The following C8orf34 variants were observed in gnomAD, a reference collection of about 807,000 sequenced individuals.
The protein encoded by C8orf34 is uncharacterized protein C8orf34.
C8orf34 carries 65 observed loss-of-function variants against 68.3 expected under a neutral mutation model. The observed-to-expected ratio is 0.95, with a 90% CI of 0.78 to 1.17. The LOEUF (loss-of-function observed/expected upper bound fraction) is 1.17. Among genes scored for constraint, C8orf34 ranks in the 50% most tolerant of loss-of-function variants. C8orf34 has a pLI of 0.00. For synonymous variants in C8orf34, 244 were observed against 241.2 expected, an observed-to-expected ratio of 1.01 and a Z score of -0.11; for missense variants, 664 against 655.4, an observed-to-expected ratio of 1.01 and a Z score of -0.14.
At chr8:68,591,363 T>C (rs915947189) in intron 7 of C8orf34, among the ~76,000 whole-genome samples, 1 of 152,148 alleles carries the variant, frequency 6.6e-6, no homozygotes, top group African/African-American at 2.4e-5. Flanking sequence ...AACCATTTAA[T>C]AGGAATCTGA....
intron 3 of C8orf34, among the ~76,000 whole-genome samples, chr8:68,450,807 C>T (rs1811309660): frequency 1.3e-5 from 2 of 152,006 alleles, no homozygotes; most frequent in East Asian, 1.9e-4. Context: ...CTTAAGGTCC[C>T]CAGGATTTTT....
chr8:68,387,177 A>G (rs1808297000), intron 1 of C8orf34, among the ~76,000 whole-genome samples: 1 of 151,968 alleles, frequency 6.6e-6, no homozygotes, highest in Non-Finnish European at 1.5e-5. Flanking sequence ...CTGCACATGG[A>G]CCGACTTCAG....
intron 1 of C8orf34, among the ~76,000 whole-genome samples, chr8:68,395,357 TCTCTCACACACACACACACA>T (rs755793625): frequency 3.6e-5 from 5 of 137,820 alleles, no homozygotes; most frequent in South Asian, 2.3e-4. Flanking sequence ...TCTCTGTGTG[TCTCTCACACACACACACACA>T]CACACACACA....
intron 3 of C8orf34, among the ~76,000 whole-genome samples, chr8:68,456,542 G>A (rs1401163999): frequency 6.6e-6 from 1 of 152,180 alleles, no homozygotes; most frequent in African/African-American, 2.4e-5. Flanking sequence ...ATGTATTCTA[G>A]CCCTTATGTA....
chr8:68,791,070 A>T (rs530410915), intron 12 of C8orf34: 1 of 587,822 alleles, frequency 1.7e-6, no homozygotes, highest in Non-Finnish European at 3.0e-6. Context: ...TTGAAGAAAT[A>T]TACATGGAGA....
At chr8:68,464,651 C>T (rs1812023030) in intron 3 of C8orf34, among the ~76,000 whole-genome samples, 1 of 151,980 alleles carries the variant, frequency 6.6e-6, no homozygotes, top group Admixed American at 6.6e-5. Flanking sequence ...CACTGCATAT[C>T]TACAACTATC....
intron 7 of C8orf34, among the ~76,000 whole-genome samples, chr8:68,587,542 A>C (rs1817244128): frequency 6.6e-6 from 1 of 152,082 alleles, no homozygotes; most frequent in Non-Finnish European, 1.5e-5. Flanking sequence ...TTTGAGTGAC[A>C]CAAAGATAGG....
intron 2 of C8orf34, among the ~76,000 whole-genome samples, chr8:68,439,942 A>G (rs1810831278): frequency 6.6e-6 from 1 of 152,188 alleles, no homozygotes. Flanking sequence ...TCCTAAACTT[A>G]TTTTTTAATG....
chr8:68,583,543 C>T (rs902054150), intron 7 of C8orf34, among the ~76,000 whole-genome samples: 1 of 152,042 alleles, frequency 6.6e-6, no homozygotes, highest in Non-Finnish European at 1.5e-5. Context: ...GACCCAGATA[C>T]CTACTTAAAT....
At chr8:68,661,625 C>T (rs1819682169) in intron 8 of C8orf34, among the ~76,000 whole-genome samples, 1 of 152,192 alleles carries the variant, frequency 6.6e-6, no homozygotes, top group South Asian at 2.1e-4. Flanking sequence ...GCTGATGGGA[C>T]TAGGTTCCCT....
chr8:68,685,485 C>G (rs1820486643), intron 8 of C8orf34, among the ~76,000 whole-genome samples: 1 of 152,048 alleles, frequency 6.6e-6, no homozygotes, highest in Non-Finnish European at 1.5e-5. Flanking sequence ...CCAAATTGAT[C>G]AACCCAACGT....
chr8:68,613,270 C>G (rs914738214), intron 7 of C8orf34, among the ~76,000 whole-genome samples: 1 of 151,908 alleles, frequency 6.6e-6, no homozygotes, highest in Non-Finnish European at 1.5e-5. Flanking sequence ...TTTATAATAT[C>G]TTTTATTTTA....
intron 7 of C8orf34, among the ~76,000 whole-genome samples, chr8:68,586,220 C>A (rs2130389780): frequency 6.6e-6 from 1 of 152,228 alleles, no homozygotes; most frequent in East Asian, 1.9e-4. Flanking sequence ...TATGTATTAA[C>A]AACTTATCTA....
chr8:68,609,501 A>G (rs1433537283), intron 7 of C8orf34, among the ~76,000 whole-genome samples: 1 of 152,324 alleles, frequency 6.6e-6, no homozygotes, highest in South Asian at 2.1e-4. Context: ...TGGTGTGGTC[A>G]CAGAAGCCAA....
chr8:68,806,873 C>T (rs1824503593), intron 12 of C8orf34, among the ~76,000 whole-genome samples: 1 of 152,166 alleles, frequency 6.6e-6, no homozygotes, highest in African/African-American at 2.4e-5. Context: ...GGGCGGGGCT[C>T]AACAAGGAGG....
intron 1 of C8orf34, among the ~76,000 whole-genome samples, chr8:68,354,374 T>C (rs1806655581): frequency 6.6e-6 from 1 of 152,094 alleles, no homozygotes; most frequent in South Asian, 2.1e-4. Flanking sequence ...CAGGATCTTA[T>C]TCTGTTGCCC....
Position 68,788,446 on chromosome 8 carries a change from A to C in C8orf34, c.1549+910A>C, listed in dbSNP as rs185558301. ...AGCACAGGCATGAGAGTGAGTGCTC[A>C]GGTTAGAGGAGGAGGATGGAGGCCA... On this transcript the variant is annotated intron_variant, in intron 12 of 13. Transcript: ENST00000518698. Among the ~76,000 whole-genome samples, 4 of 152,314 alleles carry C rather than the reference A, an allele frequency of 2.6e-5. No homozygotes were observed. In the East Asian group the frequency reaches 7.7e-4, roughly 29 times the overall value.
chr8:68,433,696 C>T (rs772854005), intron 1 of C8orf34, among the ~76,000 whole-genome samples: 19 of 152,256 alleles, frequency 1.2e-4, no homozygotes, highest in Middle Eastern at 3.4e-3. Flanking sequence ...GTGTACAAAT[C>T]GAAGTTTCTG....
chr8:68,666,611 G>A (rs554216893), intron 8 of C8orf34, among the ~76,000 whole-genome samples: 3 of 152,302 alleles, frequency 2.0e-5, no homozygotes, highest in Admixed American at 2.0e-4. Context: ...TAAGGAAGTG[G>A]CCTGCCATTC....
Sources: allele counts gnomAD v4.1 joint callset (sites outside exome capture counted in the v4.1 genomes callset), GRCh38; gene constraint gnomAD v4.1.1; transcripts MANE v1.5; gene names NCBI Gene and HGNC (gene_info 2026-07-23, HGNC 2026-07-21).